The following ASAP2 variants were observed in gnomAD, a reference collection of about 807,000 sequenced individuals.
The protein encoded by ASAP2 is arf-GAP with SH3 domain, ANK repeat and PH domain-containing protein 2.
A neutral mutation model predicts 131.4 loss-of-function variants in ASAP2; 45 were observed. The ratio of observed to expected loss-of-function variants is 0.34; its 90% CI spans 0.27 to 0.44. The LOEUF is 0.44. Ranked by LOEUF, ASAP2 falls within the 20% of genes least tolerant of loss-of-function variation. The pLI, the probability that ASAP2 is intolerant of heterozygous loss-of-function variation, is 1.00. For missense variants in ASAP2, 1,011 were observed against 1,297.0 expected, an observed-to-expected ratio of 0.78 and a Z score of 3.39; for synonymous variants, 510 against 503.0, an observed-to-expected ratio of 1.01 and a Z score of -0.19.
intron 19 of ASAP2, among the ~76,000 whole-genome samples, chr2:9,379,658 G>T (rs770182563): frequency 6.6e-6 from 1 of 152,028 alleles, no homozygotes; most frequent in Non-Finnish European, 1.5e-5. Flanking sequence ...AAAGAGGAAA[G>T]AATAGAAAAA....
chr2:9,368,437 A>G lies in ASAP2; in HGVS notation c.1474A>G (p.Ile492Val). 6.2e-7 allele frequency: 1 copy of G among 1,614,158 alleles called. No individual in the cohort carries two copies. Among genetic ancestry groups the G allele is most frequent in the East Asian group, 2.2e-5 (1 of 44,878 alleles). The change falls in exon 16 of 28, where the codon ATT becomes GTT. Residue 492 changes from isoleucine to valine, a missense_variant. Ile to Val is a conservative substitution (Grantham distance 29). This residue lies in a region of ASAP2 where 652 missense variants were observed against 698.9 expected (regional missense o/e 0.93). Coordinates refer to ENST00000281419, the MANE Select transcript of ASAP2 (RefSeq NM_003887.3). The part of the protein sequence containing the change: ...GTSELLLAKN[I>V]GNAGFNEIME... ...TTCATTTTTGCAGCTCGCCAAGAAT[A>G]TTGGGAATGCAGGCTTTAATGAGAT...
intron 3 of ASAP2, among the ~76,000 whole-genome samples, chr2:9,315,365 G>C (rs573471723): frequency 1.3e-5 from 2 of 152,210 alleles, no homozygotes; most frequent in Non-Finnish European, 2.9e-5. Flanking sequence ...GGCAGTGGAC[G>C]TGAGAATGGC....
chr2:9,265,560 T>A (rs1318351515), intron 1 of ASAP2, among the ~76,000 whole-genome samples: 1 of 152,228 alleles, frequency 6.6e-6, no homozygotes, highest in African/African-American at 2.4e-5. Context: ...TTAATGATAG[T>A]TTAAAAGTGG....
At chr2:9,338,756 A>G (rs921424141) in intron 9 of ASAP2, among the ~76,000 whole-genome samples, 1 of 152,210 alleles carries the variant, frequency 6.6e-6, no homozygotes, top group African/African-American at 2.4e-5. Context: ...ATTGGGGTGC[A>G]GTGTAATGAG....
In ASAP2 at chr2:9,344,774, G is replaced by T. The variant is rs1261857980; in HGVS notation, c.997G>T (p.Gly333Cys). 1.2e-6 allele frequency: 2 copies of T among 1,613,886 alleles called. No homozygotes were observed. The highest frequency in any genetic ancestry group is 1.7e-6 in the Non-Finnish European group (2 of 1,179,950). Residue 333 changes from glycine to cysteine, a missense_variant, in exon 11 of 28, where the codon GGT (glycine) becomes TGT (cysteine). By Grantham distance (159) the Gly-to-Cys change is radical. Around this residue, in one of 2 missense-constraint regions of ASAP2, gnomAD observed 359 missense variants for 598.1 expected, o/e 0.60. Transcript: ENST00000281419. ...GAAAAGGAAATGTTCAGTTAAAAAT[G>T]GTTTTCTGACCATATCCCATGGTAC... is the stretch of plus-strand genomic sequence containing the variant. ...WQKRKCSVKN[G>C]FLTISHGTAN... is the part of the protein sequence containing the mutation.
chr2:9,366,755 G>A (rs980815736), intron 15 of ASAP2, among the ~76,000 whole-genome samples: 2 of 152,094 alleles, frequency 1.3e-5, no homozygotes, highest in Non-Finnish European at 2.9e-5. Context: ...CTTTTTCCAC[G>A]TGTCAAGGGC....
intron 3 of ASAP2, among the ~76,000 whole-genome samples, chr2:9,299,726 C>G (rs985405577): frequency 1.6e-4 from 25 of 152,178 alleles, no homozygotes; most frequent in African/African-American, 4.8e-4. Context: ...CCAGACTGCC[C>G]TTTTACCTTT....
At chr2:9,323,362 G>C (rs951907606) in intron 6 of ASAP2, 112 bp downstream of exon 6, 33 of 1,459,564 alleles carry the variant, frequency 2.3e-5, no homozygotes, top group Non-Finnish European at 2.9e-5. Flanking sequence ...CACATGCATT[G>C]CTGGACTCCC....
chr2:9,395,606 T>C (rs1324729603), intron 24 of ASAP2, among the ~76,000 whole-genome samples: 27 of 97,130 alleles, frequency 2.8e-4, no homozygotes, highest in Non-Finnish European at 4.4e-4. Flanking sequence ...TTTTTTTTTT[T>C]TTTTTTTTTT....
rs1243266045 is a variant in ASAP2 at position 9,404,272 on chromosome 2, G to T, written c.*945G>T. The T allele has an allele frequency of 6.6e-6, 1 of 152,126 alleles. No individual in the cohort carries two copies. Among genetic ancestry groups the T allele is most frequent in the African/African-American group, 2.4e-5 (1 of 41,414 alleles). 9.4% of individuals were successfully genotyped at this position (152,126 alleles called of 1,614,324 possible). The stretch of plus-strand genomic sequence containing the variant: ...GAATGTTTACTCAGTTTAGTGTCTT[G>T]TATTTCTATAATACTCCAACAGGAA... On this transcript the variant is annotated 3_prime_UTR_variant, in exon 28 of 28. Transcript: ENST00000281419.
At chr2:9,367,400 T>C (rs138530455) in intron 15 of ASAP2, among the ~76,000 whole-genome samples, 84 of 152,302 alleles carry the variant, frequency 5.5e-4, no homozygotes, top group African/African-American at 1.9e-3. Context: ...AACATGGAAA[T>C]GAAAATATGT....
chr2:9,250,170 A>G (rs957754202), intron 1 of ASAP2, among the ~76,000 whole-genome samples: 13 of 152,360 alleles, frequency 8.5e-5, no homozygotes, highest in African/African-American at 2.4e-4. Flanking sequence ...AACTGCCAGG[A>G]TCATTTTTAG....
intron 1 of ASAP2, among the ~76,000 whole-genome samples, chr2:9,266,279 T>G (rs1413517365): frequency 2.0e-5 from 3 of 151,682 alleles, no homozygotes; most frequent in Non-Finnish European, 4.4e-5. Context: ...CACCAGTAAC[T>G]GGGACCACAG....
In ASAP2 at chr2:9,335,274, A is replaced by G. The variant is rs1671128595; in HGVS notation, c.849+95A>G. On this transcript the variant is annotated intron_variant, in intron 9 of 27. Coordinates refer to ENST00000281419, the MANE Select transcript of ASAP2 (RefSeq NM_003887.3). ...TGAAGTTCATGTCTTCTAGGAGCTC[A>G]CAGTTCACTCGGGCTGTGTCAGGCA... The G allele has an allele frequency of 4.6e-6, 5 of 1,087,476 alleles. No homozygotes were observed. The Admixed American group carries it at 9.0e-5, about 20-fold the overall frequency. The allele number at this position is 1,087,476 out of a possible 1,614,324, so 67.4% of individuals were successfully genotyped here.
Position 9,259,336 on chromosome 2 carries a change from G to A in ASAP2, c.127-19981G>A, listed in dbSNP as rs142312863. ...AGGGCCGCCATCCCTGCCTGTTGCT[G>A]CACTTCCCCTCCCTTCTGCGCCATC... On this transcript the variant is annotated intron_variant, in intron 1 of 27. Transcript: ENST00000281419. Among the ~76,000 whole-genome samples the A allele has an allele frequency of 9.8e-5, 15 of 152,304 alleles. No individual in the cohort carries two copies. In the East Asian group the frequency reaches 2.9e-3, roughly 29 times the overall value.
chr2:9,236,733 T>G (rs1367804949), intron 1 of ASAP2, among the ~76,000 whole-genome samples: 1 of 152,268 alleles, frequency 6.6e-6, no homozygotes, highest in Non-Finnish European at 1.5e-5. Context: ...TTTACTTTTT[T>G]GTTTTTTAAA....
intron 1 of ASAP2, among the ~76,000 whole-genome samples, chr2:9,235,442 G>A (rs1204390639): frequency 6.6e-6 from 1 of 152,172 alleles, no homozygotes; most frequent in Non-Finnish European, 1.5e-5. Flanking sequence ...TATTTCACTC[G>A]CAGAGTTCAG....
intron 1 of ASAP2, among the ~76,000 whole-genome samples, chr2:9,250,511 T>G (rs192904231): frequency 6.6e-6 from 1 of 152,014 alleles, no homozygotes; most frequent in African/African-American, 2.4e-5. Context: ...CCTTGGGAGG[T>G]GTAAAAGTGT....
intron 2 of ASAP2, among the ~76,000 whole-genome samples, chr2:9,283,947 A>T (rs913557110): frequency 1.3e-5 from 2 of 152,134 alleles, no homozygotes; most frequent in African/African-American, 4.8e-5. Context: ...TGCCTTGGGG[A>T]TTAGGGCTTT....
Sources: allele counts gnomAD v4.1 joint callset (sites outside exome capture counted in the v4.1 genomes callset), GRCh38; gene constraint gnomAD v4.1.1; regional missense constraint gnomAD v4.1.1; transcripts MANE v1.5; gene names NCBI Gene and HGNC (gene_info 2026-07-23, HGNC 2026-07-21).